The following PSMA3 variants were observed in gnomAD, a reference collection of about 807,000 sequenced individuals.
The protein encoded by PSMA3 is proteasome 20S subunit alpha 3.
PSMA3 carries 8 observed loss-of-function variants against 40.0 expected under a neutral mutation model. That is an observed-to-expected ratio of 0.20 (90% CI 0.12 to 0.36). The LOEUF (loss-of-function observed/expected upper bound fraction) is 0.36, where lower values mean the gene tolerates loss of function less well. PSMA3 is among the 10% of genes least tolerant of loss of function. The pLI, the probability that PSMA3 is intolerant of heterozygous loss-of-function variation, is 1.00. For missense variants in PSMA3, 219 were observed against 310.6 expected, an observed-to-expected ratio of 0.70 and a Z score of 2.22; for synonymous variants, 110 against 100.0, an observed-to-expected ratio of 1.10 and a Z score of -0.59.
At chr14:58,270,895 C>T (rs1890595954) in intron 9 of PSMA3, 39 bp from the exon 10 acceptor site, 1 of 1,496,660 alleles carries the variant, frequency 6.7e-7, no homozygotes, top group Non-Finnish European at 9.2e-7. Flanking sequence ...ATATGGTACT[C>T]AATTTAAAAT....
chr14:58,246,553 C>A (rs1017277063), intron 1 of PSMA3, among the ~76,000 whole-genome samples: 3 of 152,240 alleles, frequency 2.0e-5, no homozygotes, highest in African/African-American at 7.2e-5. Flanking sequence ...TGCGCACCAC[C>A]ACGCCCAGCT....
At chr14:58,249,802 A>G (rs902292225) in intron 2 of PSMA3, among the ~76,000 whole-genome samples, 5 of 152,190 alleles carry the variant, frequency 3.3e-5, no homozygotes, top group African/African-American at 1.2e-4. Flanking sequence ...CACCGCACCC[A>G]GCCGAAGTCT....
At chr14:58,262,867 G>A (rs1944001649) in intron 6 of PSMA3, among the ~76,000 whole-genome samples, 1 of 151,908 alleles carries the variant, frequency 6.6e-6, no homozygotes, top group Admixed American at 6.6e-5. Context: ...ACTGCACCCG[G>A]CCTGTTACCG....
At chr14:58,258,281 A>T in intron 5 of PSMA3, 1 of 287,510 alleles carries the variant, frequency 3.5e-6, no homozygotes, top group South Asian at 6.9e-5. Flanking sequence ...CTACAAAAAA[A>T]ATTTAAAATT....
At chr14:58,263,679 GATT>G (rs775036815) in intron 6 of PSMA3, 23 bp from the exon 7 acceptor site, 10 of 1,572,342 alleles carry the variant, frequency 6.4e-6, no homozygotes, top group Middle Eastern at 1.7e-4. Flanking sequence ...CTAATTCAGT[GATT>G]ATATATATTT....
intron 3 of PSMA3, among the ~76,000 whole-genome samples, chr14:58,253,941 T>C (rs551912431): frequency 6.6e-6 from 1 of 152,260 alleles, no homozygotes; most frequent in African/African-American, 2.4e-5. Context: ...ATTGTGTATA[T>C]ATACATTTTC....
At position 58,254,340 on chromosome 14, in the gene PSMA3, A is replaced by ATATATATATATATGTATGTATG; in HGVS notation, c.228+2101_228+2102insATATATATATGTATGTATGTAT. 2.0e-4 allele frequency among the ~76,000 whole-genome samples: 7 copies of ATATATATATATATGTATGTATG among 34,802 alleles called. 2 individuals carry two copies. Among genetic ancestry groups the ATATATATATATATGTATGTATG allele is most frequent in the African/African-American group, 6.7e-4 (7 of 10,388 alleles). 22.8% of individuals were successfully genotyped at this position (34,802 alleles called of 152,430 possible). ...TGAAAAAAATTATGCATGCATATAT[A>ATATATATATATATGTATGTATG]TATGTATGTACACACACACAGAGGT... On this transcript the variant is annotated intron_variant, in intron 3 of 10. Transcript: ENST00000216455.
intron 5 of PSMA3, among the ~76,000 whole-genome samples, chr14:58,259,669 C>G (rs1890226184): frequency 6.6e-6 from 1 of 152,100 alleles, no homozygotes; most frequent in South Asian, 2.1e-4. Context: ...AATGTGGAGA[C>G]ACAGGTGTGA....
At chr14:58,263,120 T>C (rs1229859457) in intron 6 of PSMA3, among the ~76,000 whole-genome samples, 1 of 151,842 alleles carries the variant, frequency 6.6e-6, no homozygotes, top group African/African-American at 2.4e-5. Flanking sequence ...GTAGCTGGCA[T>C]TACAGGCACC....
At chr14:58,246,716 A>G (rs1889889481) in intron 1 of PSMA3, among the ~76,000 whole-genome samples, 1 of 152,034 alleles carries the variant, frequency 6.6e-6, no homozygotes, top group East Asian at 1.9e-4. Flanking sequence ...TATTTTTATT[A>G]TTTTTATATT....
chr14:58,263,018 T>A (rs1461515066), intron 6 of PSMA3, among the ~76,000 whole-genome samples: 1 of 149,708 alleles, frequency 6.7e-6, no homozygotes, highest in Non-Finnish European at 1.5e-5. Flanking sequence ...AGTCTCACTC[T>A]GTTGCCCAGG....
chr14:58,250,598 A>T (rs1889988747), intron 2 of PSMA3, among the ~76,000 whole-genome samples: 1 of 152,296 alleles, frequency 6.6e-6, no homozygotes, highest in African/African-American at 2.4e-5. Flanking sequence ...GAAGACACCT[A>T]AAGTGTTGGG....
chr14:58,263,638 T>A, intron 6 of PSMA3, 67 bp from the exon 7 acceptor site: 2 of 1,269,754 alleles, frequency 1.6e-6, no homozygotes, highest in Non-Finnish European at 1.1e-6. Context: ...TATAGAAACA[T>A]TAGTAGTCAT....
chr14:58,267,255 G>T (rs1890470350), intron 7 of PSMA3: 1 of 790,342 alleles, frequency 1.3e-6, no homozygotes, highest in African/African-American at 1.8e-5. Context: ...GGCCGCCTCG[G>T]CCTCCCAAAG....
chr14:58,257,670 TAA>T (rs1400482099), intron 3 of PSMA3, 73 bp from the exon 4 acceptor site: 18 of 1,309,204 alleles, frequency 1.4e-5, no homozygotes, highest in Non-Finnish European at 1.8e-5. Flanking sequence ...AAATGTTTAA[TAA>T]GTCTTTATTA....
intron 3 of PSMA3, among the ~76,000 whole-genome samples, chr14:58,252,658 A>G (rs1890038458): frequency 6.6e-6 from 1 of 152,158 alleles, no homozygotes. Context: ...GAACACATCC[A>G]TAATAGTTTC....
chr14:58,257,361 G>T (rs1890168563), intron 3 of PSMA3, among the ~76,000 whole-genome samples: 2 of 151,614 alleles, frequency 1.3e-5, no homozygotes, highest in South Asian at 2.1e-4. Context: ...AGCCGGGCGT[G>T]GTGGCAGGCG....
chr14:58,257,872 C>A, intron 4 of PSMA3, 26 bp downstream of exon 4: 1 of 1,611,852 alleles, frequency 6.2e-7, no homozygotes, highest in Non-Finnish European at 8.5e-7. Flanking sequence ...ATTGAGGAAC[C>A]TTTTGGACAG....
chr14:58,248,380 C>G (rs1246391846), intron 2 of PSMA3, among the ~76,000 whole-genome samples: 1 of 152,096 alleles, frequency 6.6e-6, no homozygotes, highest in East Asian at 1.9e-4. Flanking sequence ...CAGGCATGTG[C>G]CACCATGCCC....
Sources: gnomAD v4.1 joint callset for allele counts (sites outside exome capture counted in the v4.1 genomes callset) on GRCh38, gnomAD v4.1.1 for gene constraint, MANE v1.5 for transcripts, NCBI Gene and HGNC (gene_info 2026-07-23, HGNC 2026-07-21) for gene names.